Variants in PLS1 observed in about 807,000 individuals in gnomAD.
The protein encoded by PLS1 is plastin 1.
PLS1 carries 32 observed loss-of-function variants against 73.7 expected under a neutral mutation model. That is an observed-to-expected ratio of 0.43 (90% confidence interval 0.33 to 0.58). The LOEUF is 0.58. Among genes scored for constraint, PLS1 ranks in the 20% least tolerant of loss-of-function variants. The pLI, the probability that PLS1 is intolerant of heterozygous loss-of-function variation, is 0.04. For missense variants in PLS1, 633 were observed against 740.5 expected, an observed-to-expected ratio of 0.85 and a Z score of 1.68; for synonymous variants, 217 against 261.3, an observed-to-expected ratio of 0.83 and a Z score of 1.63.
chr3:142,675,810 G>A (rs2037712168), intron 4 of PLS1, among the ~76,000 whole-genome samples: 1 of 152,134 alleles, frequency 6.6e-6, no homozygotes, highest in Non-Finnish European at 1.5e-5. Context: ...GAGTAGCTGG[G>A]ACTATGGGCA....
chr3:142,644,027 C>T (rs1441062281), intron 1 of PLS1, among the ~76,000 whole-genome samples: 1 of 151,834 alleles, frequency 6.6e-6, no homozygotes, highest in Non-Finnish European at 1.5e-5. Flanking sequence ...GGGATTTCAC[C>T]ATGTTGGCCA....
intron 1 of PLS1, among the ~76,000 whole-genome samples, chr3:142,644,542 G>A (rs982239052): frequency 1.3e-5 from 2 of 152,052 alleles, no homozygotes; most frequent in East Asian, 3.9e-4. Context: ...CGTGAGCCAC[G>A]GTGCCTGACT....
At position 142,678,371 on chromosome 3, in the gene PLS1, A is replaced by G. The variant is rs1002546737; in HGVS notation, c.579+258A>G. Among the ~76,000 whole-genome samples the G allele has an allele frequency of 4.0e-5, 6 of 149,204 alleles. No homozygotes were observed. The South Asian group carries it at 1.3e-3, about 32-fold the overall frequency. ...TGTGCCATGCTGGTGTGCTGCACCC[A>G]TTAACTCGTCATTTAGCATTAGGTA... On this transcript the variant is annotated intron_variant, in intron 6 of 15. Transcript: ENST00000457734.
chr3:142,711,621 G>GCTAA lies in PLS1; in HGVS notation c.1751_1754dup (p.Lys585AsnfsTer2), dbSNP rs1299726264. 6.2e-7 allele frequency: 1 copy of GCTAA among 1,602,854 alleles called. No individual in the cohort carries two copies. The highest frequency in any genetic ancestry group is 8.5e-7 in the Non-Finnish European group (1 of 1,171,740). ...ATCTGATGAGGACAAGCTGAACAATGCTAAGTAAGCCTTTATGGTTTATAT... is the reference window on the plus strand; with the variant it reads ...ATCTGATGAGGACAAGCTGAACAATGCTAACTAAGTAAGCCTTTATGGTTTATAT... On this transcript the variant is annotated frameshift_variant, in exon 15 of 16. Transcript: ENST00000457734. LOFTEE classifies it high-confidence loss of function.
chr3:142,645,398 A>G (rs1415900815), intron 1 of PLS1: 1 of 152,240 alleles, frequency 6.6e-6, no homozygotes, highest in Non-Finnish European at 1.5e-5. Flanking sequence ...AAAAACTTCA[A>G]GTTTTAACCA....
At chr3:142,704,635 A>ATTTTTTTTTTTTTTTTTT (rs10631186) in intron 14 of PLS1, 49 bp downstream of exon 14, 2 of 248,114 alleles carry the variant, frequency 8.1e-6, no homozygotes, top group Non-Finnish European at 1.4e-5. Flanking sequence ...ATAGGAAGGA[A>ATTTTTTTTTTTTTTTTTT]TTTTTTTTTT....
At chr3:142,600,434 G>A (rs542432996) in intron 1 of PLS1, among the ~76,000 whole-genome samples, 2 of 152,198 alleles carry the variant, frequency 1.3e-5, no homozygotes, top group African/African-American at 4.8e-5. Flanking sequence ...AGTGAGGGTA[G>A]GCCAGGAGGG....
chr3:142,679,093 G>T (rs1351417461), intron 6 of PLS1, among the ~76,000 whole-genome samples: 2 of 151,332 alleles, frequency 1.3e-5, no homozygotes, highest in Middle Eastern at 3.4e-3. Context: ...GTCTGTTCAT[G>T]TCCTTCACCC....
Position 142,711,639 on chromosome 3 carries a change from GTT to G in PLS1, c.1754+16_1754+17del. The G allele has an allele frequency of 6.3e-7, 1 of 1,588,462 alleles. No homozygotes were observed. ...GAACAATGCTAAGTAAGCCTTTATGGTTTATATTACAATACATGGCCCTTTAA... is the reference window on the plus strand; with the variant it reads ...GAACAATGCTAAGTAAGCCTTTATGGTATATTACAATACATGGCCCTTTAA... On this transcript the variant is annotated intron_variant, in intron 15 of 15. Coordinates refer to ENST00000457734, the MANE Select transcript of PLS1 (RefSeq NM_001145319.2).
rs139212932 is a variant in PLS1, at chr3:142,599,624, C to T, written c.-37+3115C>T. On this transcript the variant is annotated intron_variant, in intron 1 of 15. Transcript: ENST00000457734. ...GATTACAGGCGTGAGCCACCGCGCC[C>T]GGCCAGATATTCTTAACTAAGCTAG... is the stretch of plus-strand genomic sequence containing the variant. Among the ~76,000 whole-genome samples the T allele has an allele frequency of 2.9e-4, 44 of 152,272 alleles. No individual in the cohort carries two copies. In the East Asian group the frequency reaches 6.8e-3, roughly 23 times the overall value.
At position 142,689,706 on chromosome 3, in the gene PLS1, T is replaced by C; in HGVS notation, c.1070T>C (p.Val357Ala). 6.2e-7 allele frequency: 1 copy of C among 1,611,164 alleles called. No individual in the cohort carries two copies. Residue 357 changes from valine to alanine, a missense_variant, in exon 10 of 16, where the codon GTT becomes GCT. By Grantham distance (64) the Val-to-Ala change is moderately conservative. Transcript: ENST00000457734. ...CKQFVTPADV[V>A]SGNPKLNLAF... ...CAGTTTGTTACTCCTGCAGATGTGG[T>C]TTCAGGCAATCCTAAACTTAATTTA...
chr3:142,655,583 G>A (rs141808100), intron 1 of PLS1, among the ~76,000 whole-genome samples: 6,760 of 151,756 alleles, frequency 0.045, 498 homozygotes, highest in African/African-American at 0.15. Context: ...TTAGCTGGGC[G>A]TGGTGGCGGG....
At position 142,711,739 on chromosome 3, in the gene PLS1, GTCTTAGATTTAAGAC is replaced by G; in HGVS notation, c.1754+117_1755-116del. On this transcript the variant is annotated intron_variant, in intron 15 of 15. Transcript: ENST00000457734. ...ATTTTTAAATATAACTTATATGTGA[GTCTTAGATTTAAGAC>G]TCACAAACTTAACCTTTTCGTAAAA... The G allele has an allele frequency of 2.3e-6, 3 of 1,288,736 alleles. No individual in the cohort carries two copies. The South Asian group carries it at 4.3e-5, about 18-fold the overall frequency. The allele number at this position is 1,288,736 out of a possible 1,614,324, so 79.8% of individuals were successfully genotyped here.
chr3:142,621,534 TTAAA>T lies in PLS1; in HGVS notation c.-37+25029_-37+25032del, dbSNP rs1273523940. 7.9e-5 allele frequency among the ~76,000 whole-genome samples: 12 copies of T among 152,288 alleles called. No homozygotes were observed. The South Asian group carries it at 1.2e-3, about 16-fold the overall frequency. On this transcript the variant is annotated intron_variant, in intron 1 of 15. Coordinates refer to ENST00000457734, the MANE Select transcript of PLS1 (RefSeq NM_001145319.2). ...GGCATACTTTCAAAAACTGAAAACT[TTAAA>T]TAATATTAAGTAAAACTATATATAG...
chr3:142,676,134 C>T, intron 4 of PLS1, 23 bp from the exon 5 acceptor site: 4 of 1,600,922 alleles, frequency 2.5e-6, no homozygotes, highest in South Asian at 1.1e-5. Flanking sequence ...TGAGATTTGC[C>T]TACCAAGGTT....
At chr3:142,673,894 T>A (rs1560062057) in intron 4 of PLS1, 1 of 152,224 alleles carries the variant, frequency 6.6e-6, no homozygotes, top group Non-Finnish European at 1.5e-5. Context: ...GGGCTCCAGT[T>A]TCTTCAATTC....
intron 10 of PLS1, among the ~76,000 whole-genome samples, chr3:142,693,455 T>C (rs148532227): frequency 6.6e-6 from 1 of 152,314 alleles, no homozygotes; most frequent in East Asian, 1.9e-4. Flanking sequence ...GGCCAAAATC[T>C]AGAGAGTGAC....
intron 1 of PLS1, among the ~76,000 whole-genome samples, chr3:142,642,828 C>T (rs1266009844): frequency 6.6e-6 from 1 of 152,064 alleles, no homozygotes; most frequent in Non-Finnish European, 1.5e-5. Flanking sequence ...GTAGCTGAGA[C>T]TACAGGGAAG....
intron 1 of PLS1, among the ~76,000 whole-genome samples, chr3:142,638,370 G>A (rs2036745138): frequency 6.6e-6 from 1 of 152,202 alleles, no homozygotes; most frequent in Admixed American, 6.5e-5. Context: ...GAAAGGATAG[G>A]GTGTTGAGAA....
Sources: allele counts gnomAD v4.1 joint callset (sites outside exome capture counted in the v4.1 genomes callset), GRCh38; gene constraint gnomAD v4.1.1; transcripts MANE v1.5; gene names NCBI Gene and HGNC (gene_info 2026-07-23, HGNC 2026-07-21).